The following PLCB1 variants were observed in gnomAD, a reference collection of about 807,000 sequenced individuals.
The protein encoded by PLCB1 is 1-phosphatidylinositol 4,5-bisphosphate phosphodiesterase beta-1.
In PLCB1, 46 loss-of-function variants were observed where a neutral mutation model predicts 161.8. The ratio of observed to expected loss-of-function variants is 0.28; its 90% CI spans 0.22 to 0.36. The LOEUF (loss-of-function observed/expected upper bound fraction) is 0.36. Ranked by LOEUF, PLCB1 falls within the 10% of genes least tolerant of loss-of-function variation. The pLI is 1.00. For missense variants in PLCB1, 1,016 were observed against 1,472.5 expected (o/e 0.69, Z 5.07); for synonymous variants, 517 against 503.7 (o/e 1.03, Z -0.35).
intron 3 of PLCB1, among the ~76,000 whole-genome samples, chr20:8,521,084 G>A (rs752863696): frequency 3.3e-5 from 5 of 152,138 alleles, no homozygotes; most frequent in Non-Finnish European, 5.9e-5. Context: ...CTCTTGAGGT[G>A]CAAAAAGAAA....
chr20:8,712,020 G>T (rs1164382163), intron 12 of PLCB1, among the ~76,000 whole-genome samples: 1 of 152,138 alleles, frequency 6.6e-6, no homozygotes, highest in Non-Finnish European at 1.5e-5. Flanking sequence ...AAGGAGAAAA[G>T]GACAGGGCAC....
intron 7 of PLCB1, among the ~76,000 whole-genome samples, chr20:8,650,867 A>G (rs192179380): frequency 4.3e-4 from 66 of 152,296 alleles, no homozygotes; most frequent in Admixed American, 3.9e-3. Flanking sequence ...CAGGATCTAA[A>G]CAGTTTGGAT....
At position 8,303,910 on chromosome 20, in the gene PLCB1, G is replaced by T. The variant is rs146404818; in HGVS notation, c.178-67472G>T. Among the ~76,000 whole-genome samples the T allele has an allele frequency of 1.7e-3, 252 of 152,262 alleles. 2 individuals are homozygous for T. Among genetic ancestry groups the T allele is most frequent in the African/African-American group, 5.8e-3 (239 of 41,548 alleles). On this transcript the variant is annotated intron_variant, in intron 2 of 31. Coordinates refer to ENST00000338037, the MANE Select transcript of PLCB1 (RefSeq NM_015192.4). Reference sequence around the variant, plus strand: ...GAACACAAGCCTTAATTAATTTCCAGCAGGAAATGAGTGATTGCCAATAAG... The same window carrying T: ...GAACACAAGCCTTAATTAATTTCCATCAGGAAATGAGTGATTGCCAATAAG...
intron 31 of PLCB1, among the ~76,000 whole-genome samples, chr20:8,878,798 A>AT (rs200347512): frequency 0.013 from 1,979 of 150,178 alleles, 48 homozygotes; most frequent in African/African-American, 0.046. Flanking sequence ...TTCAACTTTT[A>AT]TTTTAGATTC....
intron 3 of PLCB1, among the ~76,000 whole-genome samples, chr20:8,468,227 C>T (rs992900520): frequency 3.3e-5 from 5 of 152,124 alleles, no homozygotes; most frequent in African/African-American, 1.2e-4. Context: ...ATATTTTGAT[C>T]TAGGTAGTAG....
intron 31 of PLCB1, among the ~76,000 whole-genome samples, chr20:8,796,056 A>G (rs890616685): frequency 6.6e-6 from 1 of 152,144 alleles, no homozygotes; most frequent in Non-Finnish European, 1.5e-5. Flanking sequence ...CAGTCAATAA[A>G]TGTGTAATTT....
At chr20:8,153,546 T>C (rs560433197) in intron 2 of PLCB1, among the ~76,000 whole-genome samples, 1 of 152,186 alleles carries the variant, frequency 6.6e-6, no homozygotes, top group South Asian at 2.1e-4. Flanking sequence ...GTGAAAACCA[T>C]GTGAACTATA....
intron 2 of PLCB1, among the ~76,000 whole-genome samples, chr20:8,337,586 C>T (rs764225446): frequency 6.6e-6 from 1 of 152,152 alleles, no homozygotes; most frequent in African/African-American, 2.4e-5. Flanking sequence ...ATTTAAATTT[C>T]ATGAAATAGG....
At chr20:8,802,478 G>T in intron 31 of PLCB1, 1 of 321,160 alleles carries the variant, frequency 3.1e-6, no homozygotes, top group Non-Finnish European at 5.6e-6. Context: ...TTTTTAATCT[G>T]GATTTTCTCT....
intron 11 of PLCB1, among the ~76,000 whole-genome samples, chr20:8,699,516 AAGGT>A (rs1301072476): frequency 6.6e-6 from 1 of 152,134 alleles, no homozygotes; most frequent in Non-Finnish European, 1.5e-5. Flanking sequence ...AGAAGATTGA[AAGGT>A]AGTGTTTTAG....
intron 3 of PLCB1, among the ~76,000 whole-genome samples, chr20:8,566,344 G>A (rs1986334829): frequency 6.6e-6 from 1 of 152,144 alleles, no homozygotes; most frequent in Non-Finnish European, 1.5e-5. Flanking sequence ...TGTGAACCTA[G>A]TGTTTACCTT....
At chr20:8,650,015 C>G (rs191402887) in intron 7 of PLCB1, 1 of 152,088 alleles carries the variant, frequency 6.6e-6, no homozygotes, top group South Asian at 2.1e-4. Context: ...ACTCCTATAA[C>G]CCCAGTATTT....
At chr20:8,787,853 G>A (rs559763370) in intron 27 of PLCB1, among the ~76,000 whole-genome samples, 37 of 152,290 alleles carry the variant, frequency 2.4e-4, no homozygotes, top group Middle Eastern at 3.4e-3. Flanking sequence ...AATTTCTGAT[G>A]TTCTTTATAT....
chr20:8,635,432 T>G (rs1988732711), intron 4 of PLCB1, among the ~76,000 whole-genome samples: 1 of 152,314 alleles, frequency 6.6e-6, no homozygotes, highest in Middle Eastern at 3.4e-3. Flanking sequence ...TGGGAGAAAT[T>G]AAGGCCCCTT....
intron 1 of PLCB1, among the ~76,000 whole-genome samples, chr20:8,136,874 C>T (rs1187192203): frequency 1.3e-5 from 2 of 152,154 alleles, no homozygotes; most frequent in Non-Finnish European, 2.9e-5. Flanking sequence ...GATCCATTCT[C>T]TACAGCAAGT....
intron 3 of PLCB1, among the ~76,000 whole-genome samples, chr20:8,432,880 T>C (rs901169142): frequency 6.6e-6 from 1 of 152,214 alleles, no homozygotes; most frequent in Non-Finnish European, 1.5e-5. Flanking sequence ...GAGTTAAATT[T>C]AACTGAACTC....
rs543875002 is a variant in PLCB1, at chr20:8,533,508, C to T, written c.247-94786C>T. ...GTGTAAAAATGTTCCTATTTCTCCA[C>T]ATCCTCTCCAGCACCTGTTGTTTCC... On this transcript the variant is annotated intron_variant, in intron 3 of 31. Coordinates refer to ENST00000338037, the MANE Select transcript of PLCB1 (RefSeq NM_015192.4). Among the ~76,000 whole-genome samples, 17 of 152,270 alleles carry T rather than the reference C, an allele frequency of 1.1e-4. No individual in the cohort carries two copies. In the East Asian group the frequency reaches 2.7e-3, roughly 24 times the overall value.
At chr20:8,719,587 CACA>C (rs545626206) in intron 14 of PLCB1, among the ~76,000 whole-genome samples, 80 of 152,222 alleles carry the variant, frequency 5.3e-4, no homozygotes, top group African/African-American at 1.9e-3. Context: ...CTATATAACA[CACA>C]AAAACAGGCA....
rs371495559 is a variant in PLCB1 at position 8,798,812 on chromosome 20, A to C, written c.3423+8551A>C. Among the ~76,000 whole-genome samples the C allele has an allele frequency of 2.3e-4, 35 of 152,326 alleles. No individual in the cohort carries two copies. The East Asian group carries it at 5.6e-3, about 24-fold the overall frequency. On this transcript the variant is annotated intron_variant, in intron 31 of 31. Coordinates refer to ENST00000338037, the MANE Select transcript of PLCB1 (RefSeq NM_015192.4). Reference sequence around the variant, plus strand: ...ATAGCTGGAAACATACAGAAAGGGAACTCTGGGAAATATAGTTTGGCTGAG... The same window carrying C: ...ATAGCTGGAAACATACAGAAAGGGACCTCTGGGAAATATAGTTTGGCTGAG...
Sources: allele counts gnomAD v4.1 joint callset (sites outside exome capture counted in the v4.1 genomes callset), GRCh38; gene constraint gnomAD v4.1.1; transcripts MANE v1.5; gene names NCBI Gene and HGNC (gene_info 2026-07-23, HGNC 2026-07-21).